CFAP96: variants seen among roughly 807,000 people sequenced by gnomAD.
CFAP96 encodes cilia-and flagella-associated protein 96.
the CFAP96 span, chr4:185,426,156 C>T: frequency 2.0e-6 from 1 of 500,576 alleles, no homozygotes; most frequent in East Asian, 3.3e-5. Context: ...GATGCGGATT[C>T]GAATCTCCTC....
At chr4:185,424,105 C>CA in the CFAP96 span, among the ~76,000 whole-genome samples, 1 of 150,302 alleles carries the variant, frequency 6.7e-6, no homozygotes, top group African/African-American at 2.5e-5. Flanking sequence ...AGTTAGAGAC[C>CA]AGACTGGGCA....
the CFAP96 span, among the ~76,000 whole-genome samples, chr4:185,443,929 T>C: frequency 3.4e-4 from 1 of 2,970 alleles, no homozygotes; most frequent in African/African-American, 6.7e-4. Context: ...TTCTTTTTTT[T>C]TTTTTTTTTT....
chr4:185,425,959 CG>C, the CFAP96 span: 2 of 1,488,532 alleles, frequency 1.3e-6, no homozygotes, highest in African/African-American at 1.4e-5. Flanking sequence ...GGCCCAGGGG[CG>C]GGGCCCGGGC....
the CFAP96 span, chr4:185,422,385 T>G: frequency 9.3e-6 from 8 of 862,500 alleles, no homozygotes; most frequent in South Asian, 1.1e-4. Context: ...TAATCTTAGT[T>G]CATCCTATCT....
the CFAP96 span, chr4:185,415,464 A>G: frequency 1.1e-6 from 1 of 929,574 alleles, no homozygotes. Context: ...AGGTTTGCTA[A>G]AGGAAGTCTG....
At chr4:185,410,518 A>G in the CFAP96 span, among the ~76,000 whole-genome samples, 3 of 151,912 alleles carry the variant, frequency 2.0e-5, no homozygotes, top group African/African-American at 7.3e-5. Flanking sequence ...GCGTATGGCT[A>G]TTGCCAGTAA....
the CFAP96 span, chr4:185,413,608 A>G: frequency 4.8e-6 from 5 of 1,038,562 alleles, no homozygotes; most frequent in East Asian, 1.3e-4. Context: ...GAGATGGGTG[A>G]TAAATCATGT....
At chr4:185,424,179 CACCTGTAGTCCAGCT>C in the CFAP96 span, among the ~76,000 whole-genome samples, 2 of 150,970 alleles carry the variant, frequency 1.3e-5, no homozygotes, top group Non-Finnish European at 2.9e-5. Context: ...TGGTGGTCTG[CACCTGTAGTCCAGCT>C]ACTCGGGAGG....
chr4:185,432,596 C>A, the CFAP96 span, among the ~76,000 whole-genome samples: 213 of 152,246 alleles, frequency 1.4e-3, no homozygotes, highest in African/African-American at 5.0e-3. Context: ...GGTGCAGTGG[C>A]TCATGCCTAT....
At chr4:185,436,450 A>G in the CFAP96 span, 2 of 943,576 alleles carry the variant, frequency 2.1e-6, no homozygotes, top group Non-Finnish European at 3.3e-6. Context: ...GGTGGCTCAC[A>G]TCTGTAATCC....
At chr4:185,437,346 A>C in the CFAP96 span, among the ~76,000 whole-genome samples, 1 of 152,236 alleles carries the variant, frequency 6.6e-6, no homozygotes, top group South Asian at 2.1e-4. Flanking sequence ...AACCCTTATA[A>C]ATCTTAGAAC....
chr4:185,434,320 CTTATTA>C, the CFAP96 span, among the ~76,000 whole-genome samples: 1 of 152,094 alleles, frequency 6.6e-6, no homozygotes, highest in Non-Finnish European at 1.5e-5. Flanking sequence ...ATTATTTATT[CTTATTA>C]TTACTACTGT....
At chr4:185,440,951 T>C in the CFAP96 span, among the ~76,000 whole-genome samples, 2 of 44,604 alleles carry the variant, frequency 4.5e-5, no homozygotes, top group African/African-American at 9.0e-5. Flanking sequence ...GTATTTGAAT[T>C]TATAATTTTT....
At chr4:185,419,852 T>C in the CFAP96 span, among the ~76,000 whole-genome samples, 5 of 152,370 alleles carry the variant, frequency 3.3e-5, no homozygotes, top group African/African-American at 1.2e-4. Flanking sequence ...TTGGCTATCA[T>C]ATATATGCTG....
At chr4:185,425,973 A>G in the CFAP96 span, 1 of 1,286,492 alleles carries the variant, frequency 7.8e-7, no homozygotes, top group Non-Finnish European at 1.1e-6. Context: ...GCCCGGGCGG[A>G]CCAACTACAA....
chr4:185,439,194 A>G, the CFAP96 span, among the ~76,000 whole-genome samples: 1 of 152,340 alleles, frequency 6.6e-6, no homozygotes, highest in African/African-American at 2.4e-5. Flanking sequence ...GGGCTTGGTG[A>G]TTTGTAATTT....
At chr4:185,447,305 C>T in the CFAP96 span, among the ~76,000 whole-genome samples, 1 of 152,010 alleles carries the variant, frequency 6.6e-6, no homozygotes, top group Admixed American at 6.6e-5. Flanking sequence ...CCTCAGCCTC[C>T]CGAGTAGCTG....
chr4:185,435,113 A>G, the CFAP96 span, among the ~76,000 whole-genome samples: 4 of 152,212 alleles, frequency 2.6e-5, no homozygotes. Flanking sequence ...CATTTTGGGT[A>G]AATTATGCCT....
At chr4:185,429,233 G>A in the CFAP96 span, 1 of 470,592 alleles carries the variant, frequency 2.1e-6, no homozygotes, top group Non-Finnish European at 3.7e-6. Flanking sequence ...TTGTTTTGTA[G>A]TAAACCTTAA....
Sources: gnomAD v4.1 joint callset for allele counts (sites outside exome capture counted in the v4.1 genomes callset) on GRCh38, gnomAD v4.1.1 for gene constraint, MANE v1.5 for transcripts, NCBI Gene and HGNC (gene_info 2026-07-23, HGNC 2026-07-21) for gene names.